Variants in AFG2A observed in about 807,000 individuals in gnomAD.
AFG2A encodes ATPase family gene 2 protein homolog A.
the AFG2A span, among the ~76,000 whole-genome samples, chr4:123,227,307 T>A: frequency 1.3e-5 from 2 of 152,204 alleles, no homozygotes; most frequent in African/African-American, 4.8e-5. Context: ...GATGTCAGGG[T>A]ATCAATTTTA....
At chr4:123,272,765 A>G in the AFG2A span, among the ~76,000 whole-genome samples, 1 of 151,574 alleles carries the variant, frequency 6.6e-6, no homozygotes, top group African/African-American at 2.4e-5. Flanking sequence ...AGTCAAAATA[A>G]TAGTTGAGAT....
the AFG2A span, among the ~76,000 whole-genome samples, chr4:123,238,151 A>G: frequency 0.032 from 4,849 of 152,290 alleles, 272 homozygotes; most frequent in African/African-American, 0.11. Flanking sequence ...CTGAAGCTTA[A>G]GTAGGTAAAC....
chr4:123,058,079 C>T, the AFG2A span, among the ~76,000 whole-genome samples: 2 of 152,156 alleles, frequency 1.3e-5, no homozygotes, highest in Non-Finnish European at 2.9e-5. Flanking sequence ...AGAGCTGCCT[C>T]ATGTGATGAG....
At chr4:122,954,949 C>G in the AFG2A span, among the ~76,000 whole-genome samples, 2 of 152,114 alleles carry the variant, frequency 1.3e-5, no homozygotes, top group Non-Finnish European at 2.9e-5. Context: ...GATGGTCAGC[C>G]CGGGACCCCC....
At chr4:123,125,326 A>G in the AFG2A span, among the ~76,000 whole-genome samples, 11 of 152,280 alleles carry the variant, frequency 7.2e-5, no homozygotes, top group African/African-American at 2.4e-4. Flanking sequence ...ATTTACAGAG[A>G]TAATTAAGAC....
the AFG2A span, among the ~76,000 whole-genome samples, chr4:123,014,005 G>T: frequency 6.6e-6 from 1 of 152,058 alleles, no homozygotes; most frequent in African/African-American, 2.4e-5. Flanking sequence ...GGGTCATTTG[G>T]TTATGTAGTA....
At chr4:123,032,635 C>T in the AFG2A span, among the ~76,000 whole-genome samples, 1 of 152,170 alleles carries the variant, frequency 6.6e-6, no homozygotes, top group African/African-American at 2.4e-5. Context: ...AGGCTGGTGT[C>T]GGACTCCCGA....
the AFG2A span, among the ~76,000 whole-genome samples, chr4:123,215,431 C>T: frequency 5.7e-4 from 86 of 152,016 alleles, no homozygotes; most frequent in Non-Finnish European, 1.1e-3. Context: ...AAAGTTTAAT[C>T]AGAATGTTTG....
chr4:123,105,365 G>A, the AFG2A span, among the ~76,000 whole-genome samples: 1 of 152,166 alleles, frequency 6.6e-6, no homozygotes, highest in East Asian at 1.9e-4. Flanking sequence ...CAATGCACAT[G>A]GTTACTCAAG....
At chr4:123,096,329 A>G in the AFG2A span, among the ~76,000 whole-genome samples, 1 of 152,074 alleles carries the variant, frequency 6.6e-6, no homozygotes, top group Non-Finnish European at 1.5e-5. Flanking sequence ...TTGATTGCTG[A>G]TGGTCTGGAT....
At chr4:123,317,979 C>T in the AFG2A span, 1 of 152,130 alleles carries the variant, frequency 6.6e-6, no homozygotes, top group Non-Finnish European at 1.5e-5. Context: ...TGTTTCATAT[C>T]TTAGGGTGGG....
At chr4:123,179,031 A>G in the AFG2A span, among the ~76,000 whole-genome samples, 1 of 152,184 alleles carries the variant, frequency 6.6e-6, no homozygotes, top group East Asian at 1.9e-4. Flanking sequence ...CATGCAGCCC[A>G]TTTTCCATTC....
the AFG2A span, among the ~76,000 whole-genome samples, chr4:123,295,100 T>C: frequency 5.9e-5 from 9 of 152,168 alleles, no homozygotes; most frequent in Non-Finnish European, 8.8e-5. Flanking sequence ...CCTTTACCAT[T>C]ACAACAGAGT....
At chr4:123,016,211 G>A in the AFG2A span, among the ~76,000 whole-genome samples, 2 of 136,700 alleles carry the variant, frequency 1.5e-5, no homozygotes, top group South Asian at 2.5e-4. Flanking sequence ...CGGGCAGGGG[G>A]CTGATCCCCC....
chr4:123,089,675 C>T, the AFG2A span, among the ~76,000 whole-genome samples: 1 of 152,146 alleles, frequency 6.6e-6, no homozygotes, highest in Non-Finnish European at 1.5e-5. Context: ...ACCTCCACCT[C>T]CCAGGTTCAA....
the AFG2A span, among the ~76,000 whole-genome samples, chr4:123,160,894 T>C: frequency 1.3e-5 from 2 of 152,148 alleles, no homozygotes; most frequent in Non-Finnish European, 2.9e-5. Flanking sequence ...ACAGCAATAA[T>C]TAATAATAAA....
At chr4:123,087,987 C>T in the AFG2A span, among the ~76,000 whole-genome samples, 1 of 152,128 alleles carries the variant, frequency 6.6e-6, no homozygotes, top group Non-Finnish European at 1.5e-5. Flanking sequence ...CATGGTGTTT[C>T]TCAAAAACAC....
chr4:123,044,738 GTTA>G, the AFG2A span, among the ~76,000 whole-genome samples: 11 of 150,956 alleles, frequency 7.3e-5, no homozygotes, highest in African/African-American at 2.7e-4. Flanking sequence ...TAATATTGTT[GTTA>G]TTAAGGGACC....
the AFG2A span, among the ~76,000 whole-genome samples, chr4:123,249,529 T>C: frequency 6.6e-6 from 1 of 152,110 alleles, no homozygotes; most frequent in Non-Finnish European, 1.5e-5. Context: ...TTAGCCATGA[T>C]GTAGATAAAG....
Sources: gnomAD v4.1 joint callset for allele counts (sites outside exome capture counted in the v4.1 genomes callset) on GRCh38, gnomAD v4.1.1 for gene constraint, MANE v1.5 for transcripts, NCBI Gene and HGNC (gene_info 2026-07-23, HGNC 2026-07-21) for gene names.